The following BDP1 variants were observed in gnomAD, a reference collection of about 807,000 sequenced individuals.
BDP1 encodes transcription factor TFIIIB component B'' homolog.
Under a neutral mutation model 266.6 loss-of-function variants are expected in BDP1, and 169 were observed. That is an observed-to-expected ratio of 0.63 (90% CI 0.56 to 0.72). The LOEUF is 0.72. BDP1 is among the 30% of genes least tolerant of loss of function. The pLI, the probability that BDP1 is intolerant of heterozygous loss-of-function variation, is 0.00. For missense variants in BDP1, 3,015 were observed against 3,053.8 expected, an observed-to-expected ratio of 0.99 and a Z score of 0.30; for synonymous variants, 1,090 against 1,022.4, an observed-to-expected ratio of 1.07 and a Z score of -1.26.
intron 9 of BDP1, among the ~76,000 whole-genome samples, chr5:71,488,192 C>G (rs1296450646): frequency 3.3e-5 from 5 of 152,168 alleles, no homozygotes; most frequent in South Asian, 2.1e-4. Flanking sequence ...GTGGCCTGAT[C>G]TCGGCTCACT....
At chr5:71,521,499 T>A (rs1208743850) in intron 22 of BDP1, among the ~76,000 whole-genome samples, 1 of 151,778 alleles carries the variant, frequency 6.6e-6, no homozygotes, top group Non-Finnish European at 1.5e-5. Flanking sequence ...TCCATGTTGG[T>A]TAGGCTGGTC....
chr5:71,564,262 A>G (rs1228363219), intron 38 of BDP1, among the ~76,000 whole-genome samples: 1 of 152,164 alleles, frequency 6.6e-6, no homozygotes, highest in Non-Finnish European at 1.5e-5. Context: ...ATTTGTAAGT[A>G]TGCTAATTTC....
At chr5:71,515,957 T>A in intron 20 of BDP1, 104 bp from the exon 21 acceptor site, 1 of 725,816 alleles carries the variant, frequency 1.4e-6, no homozygotes, top group Non-Finnish European at 2.3e-6. Flanking sequence ...TACAAAGTAT[T>A]TTTTAGAGTG....
chr5:71,536,710 G>T (rs1162993263), intron 26 of BDP1, among the ~76,000 whole-genome samples: 1 of 152,074 alleles, frequency 6.6e-6, no homozygotes, highest in Non-Finnish European at 1.5e-5. Flanking sequence ...TGCGCCTGTG[G>T]TCCCAGCTAC....
chr5:71,486,065 G>A (rs1400658583), intron 8 of BDP1, among the ~76,000 whole-genome samples: 2 of 152,096 alleles, frequency 1.3e-5, no homozygotes, highest in African/African-American at 2.4e-5. Context: ...AGCTTAGTGT[G>A]TTCTAGAATA....
At chr5:71,575,944 A>G in the BDP1 span, among the ~76,000 whole-genome samples, 2 of 152,246 alleles carry the variant, frequency 1.3e-5, no homozygotes, top group Non-Finnish European at 2.9e-5. Context: ...TGGAATCTCA[A>G]CATTGCTCCA....
intron 13 of BDP1, among the ~76,000 whole-genome samples, chr5:71,500,424 A>AGGCG (rs1764165140): frequency 1.4e-5 from 2 of 143,284 alleles, no homozygotes; most frequent in South Asian, 4.3e-4. Flanking sequence ...TCCTGGGTTC[A>AGGCG]GGCGATTCCC....
chr5:71,542,027 C>A, intron 29 of BDP1, 78 bp from the exon 30 acceptor site: 2 of 1,144,098 alleles, frequency 1.7e-6, no homozygotes, highest in Non-Finnish European at 2.5e-6. Context: ...TTCACTCTAT[C>A]AGTGCTAGAC....
the BDP1 span, among the ~76,000 whole-genome samples, chr5:71,575,055 C>T: frequency 1.3e-5 from 2 of 152,130 alleles, no homozygotes; most frequent in South Asian, 2.1e-4. Context: ...TGTCTTGGTC[C>T]GGATGGACAG....
chr5:71,512,486 C>T (rs1764983401), intron 18 of BDP1, 58 bp downstream of exon 18: 1 of 1,171,858 alleles, frequency 8.5e-7, no homozygotes, highest in African/African-American at 1.6e-5. Context: ...TTACGTTAAA[C>T]TAAGTGAGGT....
At chr5:71,491,206 T>A in intron 11 of BDP1, 75 bp downstream of exon 11, 1 of 1,378,126 alleles carries the variant, frequency 7.3e-7, no homozygotes. Context: ...TCTCCATCTG[T>A]AACTGTGGAT....
At chr5:71,502,138 A>G (rs530413952) in intron 14 of BDP1, among the ~76,000 whole-genome samples, 12 of 150,310 alleles carry the variant, frequency 8.0e-5, no homozygotes, top group African/African-American at 2.9e-4. Context: ...ATTCTATTTA[A>G]AAGTGCTTTT....
chr5:71,520,689 T>TTTTTTTTTTTTTTTTTTTTTTTTTTTGAG (rs1561743708), intron 22 of BDP1, among the ~76,000 whole-genome samples: 1 of 152,190 alleles, frequency 6.6e-6, no homozygotes, highest in African/African-American at 2.4e-5. Flanking sequence ...GGCATTGTTC[T>TTTTTTTTTTTTTTTTTTTTTTTTTTTGAG]AAGTGCTGAT....
intron 35 of BDP1, among the ~76,000 whole-genome samples, chr5:71,553,793 C>T (rs952730924): frequency 2.0e-5 from 3 of 152,180 alleles, no homozygotes; most frequent in Non-Finnish European, 4.4e-5. Flanking sequence ...ATTTTTGTCT[C>T]TAGTCTCATT....
At chr5:71,488,280 C>T (rs1220389438) in intron 9 of BDP1, among the ~76,000 whole-genome samples, 1 of 152,130 alleles carries the variant, frequency 6.6e-6, no homozygotes, top group Non-Finnish European at 1.5e-5. Flanking sequence ...CATGTGCCAC[C>T]ATGCCCAGCT....
chr5:71,558,166 G>C (rs1743358684), intron 36 of BDP1, among the ~76,000 whole-genome samples: 1 of 152,162 alleles, frequency 6.6e-6, no homozygotes, highest in South Asian at 2.1e-4. Flanking sequence ...AAATGTTGCT[G>C]ATGGCATCTT....
At position 71,467,075 on chromosome 5, in the gene BDP1, C is replaced by G. The variant is rs6893321; in HGVS notation, c.786-279C>G. ...CAAAGACATGTGCAAGTCAATAATA[C>G]AAATACCGTTTTATAATACGTAGCC... On this transcript the variant is annotated intron_variant, in intron 5 of 38. Coordinates refer to ENST00000358731, the MANE Select transcript of BDP1 (RefSeq NM_018429.3). 5.6e-3 allele frequency among the ~76,000 whole-genome samples: 845 copies of G among 152,234 alleles called. 7 individuals are homozygous for G. The highest frequency in any genetic ancestry group is 0.015 in the African/African-American group (614 of 41,550).
chr5:71,459,902 T>C (rs574138869), intron 2 of BDP1, among the ~76,000 whole-genome samples: 1 of 152,342 alleles, frequency 6.6e-6, no homozygotes, highest in Non-Finnish European at 1.5e-5. Context: ...ATATTGGATT[T>C]CAAATTTTCA....
the BDP1 span, among the ~76,000 whole-genome samples, chr5:71,576,120 C>T: frequency 6.6e-6 from 1 of 152,164 alleles, no homozygotes; most frequent in Admixed American, 6.5e-5. Flanking sequence ...ACAAAAACCC[C>T]TGATTCCGTG....
Sources: allele counts gnomAD v4.1 joint callset (sites outside exome capture counted in the v4.1 genomes callset), GRCh38; gene constraint gnomAD v4.1.1; transcripts MANE v1.5; gene names NCBI Gene and HGNC (gene_info 2026-07-23, HGNC 2026-07-21).